Variants in VPS13B observed in about 807,000 individuals in gnomAD.
VPS13B encodes the protein intermembrane lipid transfer protein VPS13B.
Under a neutral mutation model 426.4 loss-of-function variants are expected in VPS13B, and 285 were observed. The observed-to-expected ratio is 0.67, with a 90% CI of 0.61 to 0.74. The LOEUF (loss-of-function observed/expected upper bound fraction) is 0.74. Among genes scored for constraint, VPS13B ranks in the 30% least tolerant of loss-of-function variants. VPS13B has a pLI of 0.00. For missense variants in VPS13B, 4,537 were observed against 4,782.6 expected, an observed-to-expected ratio of 0.95 and a Z score of 1.51; for synonymous variants, 1,676 against 1,676.4, an observed-to-expected ratio of 1.00 and a Z score of 0.01.
At chr8:99,590,446 C>G (rs974512128) in intron 33 of VPS13B, among the ~76,000 whole-genome samples, 1 of 152,168 alleles carries the variant, frequency 6.6e-6, no homozygotes, top group Admixed American at 6.5e-5. Flanking sequence ...AATTTTAGAT[C>G]TTTCCTGATT....
intron 19 of VPS13B, among the ~76,000 whole-genome samples, chr8:99,317,985 G>A (rs1809765143): frequency 6.6e-6 from 1 of 151,972 alleles, no homozygotes; most frequent in African/African-American, 2.4e-5. Flanking sequence ...GTTTTTTTGG[G>A]GGGTTAGGAA....
At chr8:99,337,485 C>T (rs1377313521) in intron 19 of VPS13B, among the ~76,000 whole-genome samples, 1 of 150,750 alleles carries the variant, frequency 6.6e-6, no homozygotes, top group Non-Finnish European at 1.5e-5. Context: ...GCACATTGTG[C>T]ACATGTACCC....
chr8:99,117,402 A>G (rs1204434009), intron 7 of VPS13B, among the ~76,000 whole-genome samples: 4 of 152,184 alleles, frequency 2.6e-5, no homozygotes, highest in Non-Finnish European at 5.9e-5. Flanking sequence ...AAAACGTGAA[A>G]CATAGAGTTA....
intron 3 of VPS13B, among the ~76,000 whole-genome samples, chr8:99,065,873 G>A (rs1844469494): frequency 6.6e-6 from 1 of 152,188 alleles, no homozygotes; most frequent in South Asian, 2.1e-4. Flanking sequence ...CAGACAGAGA[G>A]CCAAATCATG....
intron 22 of VPS13B, among the ~76,000 whole-genome samples, chr8:99,437,903 G>C (rs937094606): frequency 1.6e-4 from 25 of 151,908 alleles, no homozygotes; most frequent in Admixed American, 6.6e-4. Context: ...AAATAGAAAT[G>C]TGCTGGCTAG....
chr8:99,864,041 G>A (rs180867306), intron 58 of VPS13B, among the ~76,000 whole-genome samples: 3 of 152,264 alleles, frequency 2.0e-5, no homozygotes, highest in Admixed American at 2.0e-4. Flanking sequence ...GACTTCCTTT[G>A]TTTCATGTAC....
chr8:99,609,022 A>T (rs1252056490), intron 33 of VPS13B, among the ~76,000 whole-genome samples: 3 of 152,144 alleles, frequency 2.0e-5, no homozygotes, highest in Non-Finnish European at 4.4e-5. Context: ...GTAGGAATAT[A>T]CTTAGAAATA....
At chr8:99,358,002 T>TCA (rs34418547) in intron 19 of VPS13B, among the ~76,000 whole-genome samples, 89,603 of 144,204 alleles carry the variant, frequency 0.62, 28,210 homozygotes, top group Non-Finnish European at 0.7. Flanking sequence ...GGATTAAATA[T>TCA]CACACACACA....
intron 17 of VPS13B, among the ~76,000 whole-genome samples, chr8:99,203,452 C>T (rs1245495642): frequency 6.6e-6 from 1 of 152,134 alleles, no homozygotes; most frequent in Non-Finnish European, 1.5e-5. Flanking sequence ...AAAACTGGCA[C>T]AAGACAAGTA....
chr8:99,277,553 C>A (rs1057337286), intron 19 of VPS13B, among the ~76,000 whole-genome samples: 3 of 152,062 alleles, frequency 2.0e-5, no homozygotes, highest in African/African-American at 7.2e-5. Context: ...ATGAAAAAAT[C>A]AAAATTCCTT....
At chr8:99,342,552 G>A (rs1376624351) in intron 19 of VPS13B, among the ~76,000 whole-genome samples, 1 of 151,792 alleles carries the variant, frequency 6.6e-6, no homozygotes, top group Non-Finnish European at 1.5e-5. Flanking sequence ...GTTCATCTAT[G>A]TTGTTGCAAA....
intron 19 of VPS13B, among the ~76,000 whole-genome samples, chr8:99,339,526 C>T (rs11990072): frequency 0.063 from 9,577 of 152,046 alleles, 407 homozygotes; most frequent in African/African-American, 0.12. Context: ...GATCCAGTCA[C>T]CTCCCACCAG....
chr8:99,257,444 T>C (rs1817805328), intron 17 of VPS13B, among the ~76,000 whole-genome samples: 1 of 152,152 alleles, frequency 6.6e-6, no homozygotes, highest in Non-Finnish European at 1.5e-5. Context: ...TGGCATACAG[T>C]GAGTTAAACT....
Position 99,853,838 on chromosome 8 carries a change from C to T in VPS13B, c.10449C>T (p.Thr3483=), listed in dbSNP as rs1198101483. 1 of 1,614,242 alleles carries T rather than the reference C, an allele frequency of 6.2e-7. No individual in the cohort carries two copies. Among genetic ancestry groups the T allele is most frequent in the Admixed American group, 1.7e-5 (1 of 60,026 alleles). ...KEKCFIKLCI[T]LNEGKSILCD... ...AATGTTTTATCAAACTTTGCATCAC[C>T]TTAAATGAAGGCAAGAGCATCCTCT... Residue 3483 remains threonine (T), a synonymous_variant, in exon 56 of 62, where the codon ACC becomes ACT. Coordinates refer to ENST00000357162, the MANE Select transcript of VPS13B (RefSeq NM_152564.5).
intron 19 of VPS13B, chr8:99,341,752 C>T: frequency 2.6e-6 from 1 of 391,582 alleles, no homozygotes; most frequent in South Asian, 2.4e-5. Flanking sequence ...CCACCAATAA[C>T]ATCAGCAATC....
At chr8:99,084,597 A>T (rs962149735) in intron 3 of VPS13B, among the ~76,000 whole-genome samples, 3 of 152,198 alleles carry the variant, frequency 2.0e-5, no homozygotes, top group Admixed American at 2.0e-4. Flanking sequence ...ATTTAGCGCT[A>T]TAATTTTCCC....
chr8:99,313,633 G>C (rs533062057), intron 19 of VPS13B, among the ~76,000 whole-genome samples: 1 of 152,156 alleles, frequency 6.6e-6, no homozygotes, highest in Non-Finnish European at 1.5e-5. Context: ...ACTTGAGGGG[G>C]CAGTCTGTCC....
At chr8:99,364,274 C>G (rs1812717047) in intron 19 of VPS13B, among the ~76,000 whole-genome samples, 1 of 152,104 alleles carries the variant, frequency 6.6e-6, no homozygotes, top group Non-Finnish European at 1.5e-5. Context: ...AGTTGATTTG[C>G]ATGTGTTGAA....
chr8:99,096,349 G>A lies in VPS13B; in HGVS notation c.329G>A (p.Arg110His), dbSNP rs61754110. The A allele has an allele frequency of 1.1e-5, 18 of 1,613,878 alleles. No homozygotes were observed. Among genetic ancestry groups the A allele is most frequent in the African/African-American group, 1.1e-4 (8 of 74,888 alleles). ...AGCTGTGGTTCTAATTCTACCAACC[G>A]TAGTACTGCTGAGAGCACAAAATCA... is the stretch of plus-strand genomic sequence containing the variant. ...HESCGSNSTN[R>H]STAESTKSSI... The change falls in exon 4 of 62, where the codon CGT becomes CAT. Residue 110 changes from arginine to histidine, a missense_variant. Physicochemically the swap from Arg to His is conservative, Grantham distance 29. Transcript: ENST00000357162.
Sources: allele counts gnomAD v4.1 joint callset (sites outside exome capture counted in the v4.1 genomes callset), GRCh38; gene constraint gnomAD v4.1.1; transcripts MANE v1.5; gene names NCBI Gene and HGNC (gene_info 2026-07-23, HGNC 2026-07-21).